Variants in ZBTB40 observed in about 807,000 individuals in gnomAD.
The protein encoded by ZBTB40 is zinc finger and BTB domain containing 40, also known as zinc finger and BTB domain-containing protein 40.
In ZBTB40, 60 loss-of-function variants were observed where a neutral mutation model predicts 117.5. That is an observed-to-expected ratio of 0.51 (90% CI 0.41 to 0.63). The LOEUF (loss-of-function observed/expected upper bound fraction) is 0.63, where lower values mean the gene tolerates loss of function less well. ZBTB40 is among the 30% of genes least tolerant of loss of function. The pLI is 0.00. For synonymous variants in ZBTB40, 525 were observed against 577.1 expected (o/e 0.91, Z 1.29); for missense variants, 1,287 against 1,498.5 (o/e 0.86, Z 2.33).
chr1:22,499,849 A>G (rs941189006), intron 3 of ZBTB40, among the ~76,000 whole-genome samples: 3 of 152,222 alleles, frequency 2.0e-5, no homozygotes, highest in African/African-American at 4.8e-5. Flanking sequence ...TTAAACATAT[A>G]CTTACTACCA....
intron 16 of ZBTB40, among the ~76,000 whole-genome samples, chr1:22,523,928 A>G (rs1281828405): frequency 1.3e-5 from 2 of 152,228 alleles, no homozygotes; most frequent in African/African-American, 2.4e-5. Flanking sequence ...AGTTGAATGA[A>G]TAATGGGCTT....
At chr1:22,504,508 G>A (rs1639028983) in intron 5 of ZBTB40, among the ~76,000 whole-genome samples, 1 of 152,184 alleles carries the variant, frequency 6.6e-6, no homozygotes, top group African/African-American at 2.4e-5. Flanking sequence ...AGGTGAAGCA[G>A]CTCACCCAAA....
chr1:22,454,199 C>G (rs540770279), intron 1 of ZBTB40, among the ~76,000 whole-genome samples: 2 of 152,146 alleles, frequency 1.3e-5, no homozygotes, highest in Admixed American at 6.5e-5. Context: ...GTGATCTGCC[C>G]GCCTCAGCCT....
intron 13 of ZBTB40, among the ~76,000 whole-genome samples, chr1:22,518,683 G>A (rs1396112629): frequency 6.6e-6 from 1 of 152,172 alleles, no homozygotes; most frequent in Non-Finnish European, 1.5e-5. Context: ...TGCCCAGCAT[G>A]TGGCTAGACA....
Position 22,490,564 on chromosome 1 carries a change from A to G in ZBTB40, c.616A>G (p.Thr206Ala). 6.2e-7 allele frequency: 1 copy of G among 1,613,632 alleles called. No homozygotes were observed. Among genetic ancestry groups the G allele is most frequent in the Non-Finnish European group, 8.5e-7 (1 of 1,179,862 alleles). ...SQRNAETPAE[T>A]PTTAEACSPS... ...GAGGAATGCAGAAACCCCAGCGGAG[A>G]CTCCTACTACAGCTGAAGCTTGTTC... Residue 206 changes from threonine (T) to alanine (A), a missense_variant, in exon 2 of 18, where the codon ACT becomes GCT. This residue lies in a region of ZBTB40 where 870 missense variants were observed against 934.4 expected (regional missense o/e 0.93). Coordinates refer to ENST00000375647, the MANE Select transcript of ZBTB40 (RefSeq NM_014870.4).
chr1:22,465,370 G>A (rs1189299516), intron 1 of ZBTB40, among the ~76,000 whole-genome samples: 1 of 152,198 alleles, frequency 6.6e-6, no homozygotes, highest in Non-Finnish European at 1.5e-5. Context: ...CTCAGCTGTG[G>A]CTGAGTCCGG....
At chr1:22,467,622 G>C (rs1478155857) in intron 1 of ZBTB40, among the ~76,000 whole-genome samples, 5 of 151,950 alleles carry the variant, frequency 3.3e-5, no homozygotes, top group Non-Finnish European at 1.5e-5. Flanking sequence ...TCACAGGTGG[G>C]CACCACTACA....
rs773484653 is a variant in ZBTB40, at chr1:22,508,663, C to G, written c.1631C>G (p.Thr544Ser). ...CTGCTGGTGGTTCAGGAGACAAAGACCTGTCCATTGGACCTGCTCATGGAG... is the reference window on the plus strand; with the variant it reads ...CTGCTGGTGGTTCAGGAGACAAAGAGCTGTCCATTGGACCTGCTCATGGAG... ...QLLLVVQETKTCPLDLLMEEI... is the reference protein window; with the variant it reads ...QLLLVVQETKSCPLDLLMEEI... Residue 544 changes from threonine (T) to serine (S), a missense_variant, in exon 8 of 18, where the codon ACC becomes AGC. By Grantham distance (58) the Thr-to-Ser change is moderately conservative. Coordinates refer to ENST00000375647, the MANE Select transcript of ZBTB40 (RefSeq NM_014870.4). 11 of 1,614,216 alleles carry G rather than the reference C, an allele frequency of 6.8e-6. No individual in the cohort carries two copies. The highest frequency in any genetic ancestry group is 9.3e-6 in the Non-Finnish European group (11 of 1,180,042).
intron 1 of ZBTB40, among the ~76,000 whole-genome samples, chr1:22,471,940 T>C (rs1641417167): frequency 6.6e-6 from 1 of 152,206 alleles, no homozygotes; most frequent in Non-Finnish European, 1.5e-5. Context: ...CAAGAGCGGA[T>C]GGTGCCCCCT....
intron 13 of ZBTB40, among the ~76,000 whole-genome samples, chr1:22,519,320 G>A (rs1639459501): frequency 6.6e-6 from 1 of 152,244 alleles, no homozygotes; most frequent in Non-Finnish European, 1.5e-5. Context: ...GGGTCTCACT[G>A]AAGGGTTGGC....
intron 1 of ZBTB40, among the ~76,000 whole-genome samples, chr1:22,465,414 G>T (rs1293375708): frequency 6.6e-6 from 1 of 152,184 alleles, no homozygotes; most frequent in Non-Finnish European, 1.5e-5. Context: ...AGGAAGTGCG[G>T]TATGTGCCAG....
At chr1:22,496,815 A>C (rs1638788640) in intron 3 of ZBTB40, among the ~76,000 whole-genome samples, 1 of 152,230 alleles carries the variant, frequency 6.6e-6, no homozygotes, top group Non-Finnish European at 1.5e-5. Flanking sequence ...ATCCAACAGA[A>C]AGTGGCCAAA....
chr1:22,508,823 C>CA (rs1639149172), intron 8 of ZBTB40, 92 bp downstream of exon 8: 1 of 1,310,088 alleles, frequency 7.6e-7, no homozygotes, highest in African/African-American at 1.5e-5. Flanking sequence ...TAACGGTAGT[C>CA]ACCTACATCC....
At chr1:22,433,437 A>AACAAAAACAAAAACAAAAAAC (rs1278676722) in intron 1 of ZBTB40, among the ~76,000 whole-genome samples, 2 of 131,006 alleles carry the variant, frequency 1.5e-5, no homozygotes, top group African/African-American at 5.7e-5. Flanking sequence ...CCTCTCAAAA[A>AACAAAAACAAAAACAAAAAAC]AAAAAAAAAA....
chr1:22,433,987 G>A (rs1471446452), intron 1 of ZBTB40, among the ~76,000 whole-genome samples: 3 of 151,946 alleles, frequency 2.0e-5, no homozygotes, highest in African/African-American at 7.3e-5. Context: ...AATCCCAGAA[G>A]TGCAATTATT....
At chr1:22,519,105 G>T (rs1057131216) in intron 13 of ZBTB40, among the ~76,000 whole-genome samples, 8 of 152,192 alleles carry the variant, frequency 5.3e-5, no homozygotes, top group African/African-American at 1.7e-4. Context: ...AAGAGCTCAT[G>T]TCCACAGGGA....
chr1:22,520,467 G>C (rs1263355480), intron 14 of ZBTB40, among the ~76,000 whole-genome samples, 192 bp downstream of exon 14: 2 of 152,300 alleles, frequency 1.3e-5, no homozygotes, highest in East Asian at 3.9e-4. Flanking sequence ...TGCTGCAGTG[G>C]GGGAGCTCAT....
rs762130794 is a variant in ZBTB40 at position 22,511,362 on chromosome 1, A to G, written c.2002+15A>G. 4 of 1,613,260 alleles carry G rather than the reference A, an allele frequency of 2.5e-6. No individual in the cohort carries two copies. In the South Asian group the frequency reaches 4.4e-5, roughly 18 times the overall value. On this transcript the variant is annotated intron_variant, in intron 10 of 17. Coordinates refer to ENST00000375647, the MANE Select transcript of ZBTB40 (RefSeq NM_014870.4). ...GGCATACATTGGTAAGGAACGGGCCAGGTGGGAAGGGGGTTCCTATCAGCA... is the reference window on the plus strand; with the variant it reads ...GGCATACATTGGTAAGGAACGGGCCGGGTGGGAAGGGGGTTCCTATCAGCA...
chr1:22,517,567 C>A, intron 13 of ZBTB40, 103 bp downstream of exon 13: 1 of 1,380,436 alleles, frequency 7.2e-7, no homozygotes, highest in Non-Finnish European at 9.8e-7. Flanking sequence ...AAGCTCCATT[C>A]AGTGCATTCC....
Sources: allele counts gnomAD v4.1 joint callset (sites outside exome capture counted in the v4.1 genomes callset), GRCh38; gene constraint gnomAD v4.1.1; regional missense constraint gnomAD v4.1.1; transcripts MANE v1.5; gene names NCBI Gene and HGNC (gene_info 2026-07-23, HGNC 2026-07-21).